Variants in RANBP9 observed in about 807,000 individuals in gnomAD.
RANBP9 encodes ran-binding protein 9.
Under a neutral mutation model 84.3 loss-of-function variants are expected in RANBP9, and 15 were observed. That is an observed-to-expected ratio of 0.18 (90% CI 0.12 to 0.27). RANBP9 has a LOEUF of 0.27. Among genes scored for constraint, RANBP9 ranks in the 10% least tolerant of loss-of-function variants. The probability of loss-of-function intolerance (pLI) is 1.00; values close to 1 mark genes in which losing one functional copy is unlikely to be tolerated. For missense variants in RANBP9, 809 were observed against 912.8 expected, an observed-to-expected ratio of 0.89 and a Z score of 1.46; for synonymous variants, 392 against 349.6, an observed-to-expected ratio of 1.12 and a Z score of -1.35.
chr6:13,623,902 TGAA>T (rs891902337), intron 13 of RANBP9, among the ~76,000 whole-genome samples: 1 of 152,192 alleles, frequency 6.6e-6, no homozygotes, highest in Non-Finnish European at 1.5e-5. Flanking sequence ...TAAATTCCCT[TGAA>T]GAACTCAAGA....
chr6:13,634,030 C>T (rs377116180), intron 11 of RANBP9, among the ~76,000 whole-genome samples: 17 of 143,092 alleles, frequency 1.2e-4, no homozygotes, highest in South Asian at 6.9e-4. Flanking sequence ...CACACGTTTA[C>T]GTTAAACTCA....
chr6:13,708,991 TTATGTTTATA>T (rs572270170), intron 1 of RANBP9, among the ~76,000 whole-genome samples: 43 of 152,172 alleles, frequency 2.8e-4, no homozygotes, highest in Non-Finnish European at 6.2e-4. Flanking sequence ...AAATAATGAT[TTATGTTTATA>T]AAACAGTTAT....
chr6:13,707,951 G>A (rs1216691354), intron 1 of RANBP9, among the ~76,000 whole-genome samples: 1 of 152,206 alleles, frequency 6.6e-6, no homozygotes, highest in Non-Finnish European at 1.5e-5. Context: ...TTGTGTGACT[G>A]CTAAGCAAAA....
In RANBP9 at chr6:13,711,095, G is replaced by A. The variant is rs750426485; in HGVS notation, c.411C>T (p.Asp137=). ...SSAAAPFPHG[D]SALNEQEKEL... is the part of the protein sequence containing the mutation. ...CCTTCTCCTGCTCGTTCAGGGCCGA[G>A]TCCCCGTGAGGGAAGGGGGCCGCGG... The change falls in exon 1 of 14, where the codon GAC becomes GAT. Residue 137 remains aspartate, a synonymous_variant. Transcript: ENST00000011619. 9 of 1,569,022 alleles carry A rather than the reference G, an allele frequency of 5.7e-6. No homozygotes were observed. The highest frequency in any genetic ancestry group is 2.3e-5 in the South Asian group (2 of 86,112).
chr6:13,693,378 G>A (rs1451876367), intron 2 of RANBP9, among the ~76,000 whole-genome samples: 1 of 152,034 alleles, frequency 6.6e-6, no homozygotes, highest in East Asian at 1.9e-4. Context: ...CTATTATAAT[G>A]GCTAAAAATT....
At chr6:13,658,713 A>G in intron 3 of RANBP9, 67 bp downstream of exon 3, 2 of 1,259,012 alleles carry the variant, frequency 1.6e-6, no homozygotes, top group Non-Finnish European at 2.3e-6. Context: ...ACAATTTCTT[A>G]CTTGAAAAAT....
Position 13,707,005 on chromosome 6 carries a change from CAAA to C in RANBP9, c.571+3927_571+3929del, listed in dbSNP as rs34108954. ...TGGACGATAGAGCAAGACTCTGTCTCAAAAAAAAAAAAAAAAAATGCAATTCAC... is the reference window on the plus strand; with the variant it reads ...TGGACGATAGAGCAAGACTCTGTCTCAAAAAAAAAAAAAAATGCAATTCAC... On this transcript the variant is annotated intron_variant, in intron 1 of 13. Coordinates refer to ENST00000011619, the MANE Select transcript of RANBP9 (RefSeq NM_005493.3). Among the ~76,000 whole-genome samples the C allele has an allele frequency of 5.5e-3, 675 of 122,266 alleles. 3 individuals carry two copies. The highest frequency in any genetic ancestry group is 0.017 in the African/African-American group (570 of 33,962). The allele number at this position is 122,266 out of a possible 152,430, so 80.2% of individuals were successfully genotyped here.
At chr6:13,623,193 A>G (rs949692143) in intron 13 of RANBP9, among the ~76,000 whole-genome samples, 3 of 152,176 alleles carry the variant, frequency 2.0e-5, no homozygotes, top group Non-Finnish European at 4.4e-5. Flanking sequence ...CCAGAGATGG[A>G]AAAAAATGAA....
At chr6:13,654,754 T>C (rs2127769638) in intron 4 of RANBP9, among the ~76,000 whole-genome samples, 1 of 152,330 alleles carries the variant, frequency 6.6e-6, no homozygotes, top group East Asian at 1.9e-4. Context: ...TGAAATTTTA[T>C]TTTAAAATAA....
At chr6:13,630,516 C>CT (rs1764748509) in intron 12 of RANBP9, among the ~76,000 whole-genome samples, 1 of 106,894 alleles carries the variant, frequency 9.4e-6, no homozygotes, top group Non-Finnish European at 2.1e-5. Flanking sequence ...CTTAAGAATT[C>CT]TTAAAAAAAA....
At chr6:13,686,611 C>T (rs1474559046) in intron 2 of RANBP9, among the ~76,000 whole-genome samples, 1 of 151,970 alleles carries the variant, frequency 6.6e-6, no homozygotes, top group East Asian at 1.9e-4. Context: ...GCTTTGTTGC[C>T]CAAGCTGGTC....
In RANBP9 at chr6:13,652,473, T is replaced by C. The variant is rs529280122; in HGVS notation, c.927+186A>G. Among the ~76,000 whole-genome samples, 4 of 152,320 alleles carry C rather than the reference T, an allele frequency of 2.6e-5. No homozygotes were observed. In the South Asian group the frequency reaches 8.3e-4, roughly 32 times the overall value. ...CTTTATACAATGAATCCAGTGCAAG[T>C]TGGAGCTTAATTTCTGAGGGTCTAC... On this transcript the variant is annotated intron_variant, in intron 5 of 13. Coordinates refer to ENST00000011619, the MANE Select transcript of RANBP9 (RefSeq NM_005493.3).
At chr6:13,644,808 G>T in intron 5 of RANBP9, 79 bp from the exon 6 acceptor site, 1 of 1,134,574 alleles carries the variant, frequency 8.8e-7, no homozygotes, top group Non-Finnish European at 1.2e-6. Context: ...ACATTTAAAA[G>T]AATAGAACTA....
intron 1 of RANBP9, among the ~76,000 whole-genome samples, chr6:13,698,092 AC>A (rs1404740574): frequency 6.6e-6 from 1 of 152,180 alleles, no homozygotes; most frequent in African/African-American, 2.4e-5. Context: ...ATGCCTTATT[AC>A]TATTAAACAC....
intron 12 of RANBP9, among the ~76,000 whole-genome samples, chr6:13,626,789 A>C (rs1322066202): frequency 6.6e-6 from 1 of 152,228 alleles, no homozygotes; most frequent in Non-Finnish European, 1.5e-5. Context: ...CAGCTGCTCA[A>C]AAAACCAGAT....
chr6:13,655,054 G>A (rs778101784), intron 4 of RANBP9, among the ~76,000 whole-genome samples: 2 of 152,244 alleles, frequency 1.3e-5, no homozygotes, highest in East Asian at 1.9e-4. Flanking sequence ...GGCATAGGCC[G>A]GGAGTCAATC....
chr6:13,643,359 T>C (rs969336326), intron 6 of RANBP9, among the ~76,000 whole-genome samples: 1 of 152,212 alleles, frequency 6.6e-6, no homozygotes, highest in Non-Finnish European at 1.5e-5. Context: ...CAAATATCTG[T>C]TATCTCCAAA....
At chr6:13,641,905 A>G (rs1279577433) in intron 7 of RANBP9, among the ~76,000 whole-genome samples, 1 of 152,092 alleles carries the variant, frequency 6.6e-6, no homozygotes, top group Admixed American at 6.6e-5. Flanking sequence ...TCACCCATCT[A>G]TTTTGTTTTC....
At chr6:13,691,696 C>T (rs562366712) in intron 2 of RANBP9, among the ~76,000 whole-genome samples, 10 of 152,028 alleles carry the variant, frequency 6.6e-5, no homozygotes, top group East Asian at 1.9e-4. Context: ...GACTGAGTCT[C>T]GCACAGTCAC....
Sources: gnomAD v4.1 joint callset for allele counts (sites outside exome capture counted in the v4.1 genomes callset) on GRCh38, gnomAD v4.1.1 for gene constraint, MANE v1.5 for transcripts, NCBI Gene and HGNC (gene_info 2026-07-23, HGNC 2026-07-21) for gene names.